The following PPP2R2C variants were observed in gnomAD, a reference collection of about 807,000 sequenced individuals.
The protein encoded by PPP2R2C is protein phosphatase 2 regulatory subunit Bgamma.
Under a neutral mutation model 45.3 loss-of-function variants are expected in PPP2R2C, and 10 were observed. The ratio of observed to expected loss-of-function variants is 0.22; its 90% confidence interval spans 0.14 to 0.37. The LOEUF (loss-of-function observed/expected upper bound fraction) is 0.37. PPP2R2C is among the 10% of genes least tolerant of loss of function. The pLI is 1.00. For synonymous variants in PPP2R2C, 257 were observed against 245.4 expected (o/e 1.05, Z -0.44); for missense variants, 308 against 619.7 (o/e 0.50, Z 5.34).
At chr4:6,383,988 C>T (rs1178038186) in intron 1 of PPP2R2C, 11 of 985,830 alleles carry the variant, frequency 1.1e-5, no homozygotes, top group Non-Finnish European at 1.3e-5. Flanking sequence ...ACGTATCCAT[C>T]CATCCATCAA....
rs142286347 is a variant in PPP2R2C at position 6,465,686 on chromosome 4, AT to A, written c.70+6473del. 4.4e-3 allele frequency among the ~76,000 whole-genome samples: 663 copies of A among 152,150 alleles called. 4 individuals carry two copies. Among genetic ancestry groups the A allele is most frequent in the African/African-American group, 0.015 (642 of 41,516 alleles). ...AAAAAAGCTTAAACTCTTAGCGTGC[AT>A]TTTATCACTCACCATTCTAGTGTGC... On this transcript the variant is annotated intron_variant, in intron 1 of 8. Coordinates refer to ENST00000382599, the MANE Select transcript of PPP2R2C (RefSeq NM_020416.4).
chr4:6,454,086 C>A (rs1251916737), intron 1 of PPP2R2C, among the ~76,000 whole-genome samples: 2 of 152,148 alleles, frequency 1.3e-5, no homozygotes, highest in Non-Finnish European at 2.9e-5. Context: ...AGAGAGGGAC[C>A]CGTTCTTCCT....
intron 1 of PPP2R2C, among the ~76,000 whole-genome samples, chr4:6,466,554 G>A (rs1197430142): frequency 2.0e-5 from 3 of 152,060 alleles, no homozygotes; most frequent in Non-Finnish European, 4.4e-5. Context: ...AAGACTGGAA[G>A]GAAATACCCC....
chr4:6,551,223 C>G lies in PPP2R2C; in HGVS notation c.-59+12337G>C, dbSNP rs144562870. ...TTGGAGGCTACTTGGCCTCAGAAGG[C>G]ACTTAGAAAGCCCCTGGCAAGTCAC... On this transcript the variant is annotated intron_variant, in intron 1 of 9. Coordinates refer to the PPP2R2C transcript ENST00000506140. 7.2e-5 allele frequency among the ~76,000 whole-genome samples: 11 copies of G among 152,314 alleles called. No individual in the cohort carries two copies. The East Asian group carries it at 9.7e-4, about 13-fold the overall frequency.
At chr4:6,376,640 G>A (rs1290823353) in intron 3 of PPP2R2C, among the ~76,000 whole-genome samples, 1 of 152,044 alleles carries the variant, frequency 6.6e-6, no homozygotes, top group Non-Finnish European at 1.5e-5. Context: ...TTTTTGTAGA[G>A]ATAGAGTCTC....
At chr4:6,526,816 G>C (rs1724223334) in intron 2 of PPP2R2C, among the ~76,000 whole-genome samples, 2 of 152,192 alleles carry the variant, frequency 1.3e-5, no homozygotes, top group African/African-American at 4.8e-5. Context: ...CTCCCACTGA[G>C]CAGAAAATGC....
At chr4:6,384,473 T>C (rs138893698) in intron 1 of PPP2R2C, 2 of 982,168 alleles carry the variant, frequency 2.0e-6, no homozygotes, top group East Asian at 1.1e-4. Flanking sequence ...TTTTCTATAA[T>C]GAAGTTACAT....
intron 1 of PPP2R2C, among the ~76,000 whole-genome samples, chr4:6,545,682 T>C (rs28615984): frequency 0.11 from 17,121 of 152,128 alleles, 1,075 homozygotes; most frequent in South Asian, 0.21. Flanking sequence ...CAACCCTCTT[T>C]TTCTAAGAAT....
chr4:6,327,335 C>T (rs985291993), intron 8 of PPP2R2C, among the ~76,000 whole-genome samples: 9 of 152,090 alleles, frequency 5.9e-5, no homozygotes, highest in African/African-American at 1.9e-4. Flanking sequence ...GTAAAGTGCA[C>T]GCAGGAAGTG....
At chr4:6,513,064 A>G (rs1420336000) in intron 2 of PPP2R2C, among the ~76,000 whole-genome samples, 1 of 152,172 alleles carries the variant, frequency 6.6e-6, no homozygotes, top group African/African-American at 2.4e-5. Flanking sequence ...TGGGCTTTTT[A>G]AAGACTTGCT....
At chr4:6,550,507 T>C (rs966279548) in intron 1 of PPP2R2C, among the ~76,000 whole-genome samples, 7 of 152,200 alleles carry the variant, frequency 4.6e-5, no homozygotes, top group Non-Finnish European at 1.0e-4. Flanking sequence ...CCGGGAATGC[T>C]TTCCCCTCAT....
intron 6 of PPP2R2C, among the ~76,000 whole-genome samples, chr4:6,344,953 G>A (rs201092356): frequency 1.3e-5 from 2 of 152,086 alleles, no homozygotes; most frequent in Non-Finnish European, 2.9e-5. Flanking sequence ...TCAAAAGGAC[G>A]CCGAATAGAT....
At chr4:6,340,570 C>A (rs1733366351) in intron 6 of PPP2R2C, among the ~76,000 whole-genome samples, 1 of 152,134 alleles carries the variant, frequency 6.6e-6, no homozygotes, top group Admixed American at 6.5e-5. Flanking sequence ...ATCCAGCAGG[C>A]CCCACCTGCC....
intron 1 of PPP2R2C, among the ~76,000 whole-genome samples, chr4:6,423,297 G>A (rs140102675): frequency 0.033 from 5,087 of 152,212 alleles, 281 homozygotes; most frequent in African/African-American, 0.12. Flanking sequence ...TCTGCCTCCC[G>A]GATTCAAGCA....
chr4:6,408,260 A>C (rs73798235), intron 1 of PPP2R2C, among the ~76,000 whole-genome samples: 3,062 of 152,274 alleles, frequency 0.02, 104 homozygotes, highest in African/African-American at 0.068. Context: ...AGGATGCAAA[A>C]ACCCCCACCA....
intron 6 of PPP2R2C, among the ~76,000 whole-genome samples, chr4:6,338,075 C>T (rs1001844738): frequency 2.6e-5 from 4 of 151,964 alleles, no homozygotes; most frequent in Admixed American, 6.6e-5. Context: ...ACCTTCAGAG[C>T]GCTAACAAGA....
At chr4:6,377,526 T>C (rs997381117) in intron 3 of PPP2R2C, among the ~76,000 whole-genome samples, 1 of 152,022 alleles carries the variant, frequency 6.6e-6, no homozygotes, top group African/African-American at 2.4e-5. Flanking sequence ...GGGCATGGTG[T>C]TGGACGCCTG....
chr4:6,340,087 G>A (rs1265852365), intron 6 of PPP2R2C, among the ~76,000 whole-genome samples: 1 of 152,156 alleles, frequency 6.6e-6, no homozygotes, highest in East Asian at 1.9e-4. Context: ...GCACAGGTGG[G>A]CACAATGAAT....
At chr4:6,511,373 C>CGGTGATGGTGGTGATGGTGATGGT (rs1560593449) in intron 2 of PPP2R2C, among the ~76,000 whole-genome samples, 1 of 111,462 alleles carries the variant, frequency 9.0e-6, no homozygotes, top group Non-Finnish European at 2.0e-5. Context: ...GTGGTGGTGG[C>CGGTGATGGTGGTGATGGTGATGGT]GGTGATGGTG....
Sources: allele counts gnomAD v4.1 joint callset (sites outside exome capture counted in the v4.1 genomes callset), GRCh38; gene constraint gnomAD v4.1.1; transcripts MANE v1.5; gene names NCBI Gene and HGNC (gene_info 2026-07-23, HGNC 2026-07-21).